Variants in LRP1B observed in about 807,000 individuals in gnomAD.
LRP1B encodes the protein LDL receptor related protein 1B, also known as low-density lipoprotein receptor-related protein 1B.
A neutral mutation model predicts 556.6 loss-of-function variants in LRP1B; 217 were observed. That is an observed-to-expected ratio of 0.39 (90% CI 0.35 to 0.44). The LOEUF (loss-of-function observed/expected upper bound fraction) is 0.44, where lower values mean the gene tolerates loss of function less well. LRP1B is among the 20% of genes least tolerant of loss of function. The probability of loss-of-function intolerance (pLI) is 1.00; values close to 1 mark genes in which losing one functional copy is unlikely to be tolerated. For synonymous variants in LRP1B, 2,047 were observed against 1,865.8 expected, an observed-to-expected ratio of 1.10 and a Z score of -2.50; for missense variants, 5,053 against 5,620.8, an observed-to-expected ratio of 0.90 and a Z score of 3.23.
At chr2:141,950,129 G>T (rs2105031904) in intron 1 of LRP1B, among the ~76,000 whole-genome samples, 1 of 152,152 alleles carries the variant, frequency 6.6e-6, no homozygotes, top group African/African-American at 2.4e-5. Context: ...TTTTATAAAA[G>T]ACTTTATAAT....
chr2:140,442,499 C>CTGGG lies in LRP1B; in HGVS notation c.10414+4_10414+5insCCCA. On this transcript the variant is annotated splice_donor_region_variant and intron_variant, in intron 66 of 90. Coordinates refer to ENST00000389484, the MANE Select transcript of LRP1B (RefSeq NM_018557.3). Reference sequence around the variant, plus strand: ...GAGATAAGACCCAGAGTCACAGACACTCACCGCAGTTGGCCTCGTCTGATG... The same window carrying CTGGG: ...GAGATAAGACCCAGAGTCACAGACACTGGGTCACCGCAGTTGGCCTCGTCTGATG... The CTGGG allele has an allele frequency of 6.2e-7, 1 of 1,610,734 alleles. No individual in the cohort carries two copies. Among genetic ancestry groups the CTGGG allele is most frequent in the Non-Finnish European group, 8.5e-7 (1 of 1,178,618 alleles).
chr2:141,805,025 CTAGCAGAACCCCAAATAT>C (rs1226574768), intron 2 of LRP1B, among the ~76,000 whole-genome samples: 3 of 152,062 alleles, frequency 2.0e-5, no homozygotes, highest in African/African-American at 7.2e-5. Flanking sequence ...CTTTTCTTTA[CTAGCAGAACCCCAAATAT>C]TGTTTTGGAA....
intron 1 of LRP1B, among the ~76,000 whole-genome samples, chr2:142,070,723 A>G (rs186429599): frequency 6.6e-6 from 1 of 152,056 alleles, no homozygotes; most frequent in East Asian, 1.9e-4. Flanking sequence ...AACCACTTCC[A>G]TCTATTCTTA....
intron 1 of LRP1B, among the ~76,000 whole-genome samples, chr2:141,847,599 A>G (rs1697696781): frequency 6.6e-6 from 1 of 151,616 alleles, no homozygotes; most frequent in Admixed American, 6.6e-5. Flanking sequence ...AAAAACATAC[A>G]GTATAGTGCA....
intron 3 of LRP1B, among the ~76,000 whole-genome samples, chr2:141,266,348 A>G (rs892061875): frequency 6.7e-6 from 1 of 150,118 alleles, no homozygotes; most frequent in Middle Eastern, 3.2e-3. Flanking sequence ...AAAAAAGAAT[A>G]TGCATATATG....
At chr2:141,942,572 C>T (rs1248536855) in intron 1 of LRP1B, among the ~76,000 whole-genome samples, 2 of 152,072 alleles carry the variant, frequency 1.3e-5, no homozygotes, top group Non-Finnish European at 2.9e-5. Context: ...TTTCTTTTAC[C>T]CTGCCACCTT....
At chr2:142,038,805 G>A (rs532989190) in intron 1 of LRP1B, among the ~76,000 whole-genome samples, 1 of 151,624 alleles carries the variant, frequency 6.6e-6, no homozygotes, top group South Asian at 2.1e-4. Context: ...TTTCACTTAA[G>A]CAAGATACAG....
At position 141,858,985 on chromosome 2, in the gene LRP1B, TA is replaced by T. The variant is rs879601174; in HGVS notation, c.83-48585del. ...AGAACATCAGGAAAAGCCCCTGGAA[TA>T]CTTTCTAGCAAGGCCATCAGTCATT... is the stretch of plus-strand genomic sequence containing the variant. On this transcript the variant is annotated intron_variant, in intron 1 of 90. Coordinates refer to ENST00000389484, the MANE Select transcript of LRP1B (RefSeq NM_018557.3). 6.2e-3 allele frequency among the ~76,000 whole-genome samples: 951 copies of T among 152,286 alleles called. 7 individuals are homozygous for T. Among genetic ancestry groups the T allele is most frequent in the Non-Finnish European group, 9.1e-3 (622 of 68,014 alleles).
rs1324064757 is a variant in LRP1B at position 141,126,989 on chromosome 2, T to C, written c.1013+61432A>G. Among the ~76,000 whole-genome samples, 3 of 152,134 alleles carry C rather than the reference T, an allele frequency of 2.0e-5. No individual in the cohort carries two copies. The East Asian group carries it at 5.8e-4, about 29-fold the overall frequency. ...ACCTGCCATCTACATTAGGTATTTCTCCTAATGCTATCCCTCCCCCACCCC... is the reference window on the plus strand; with the variant it reads ...ACCTGCCATCTACATTAGGTATTTCCCCTAATGCTATCCCTCCCCCACCCC... On this transcript the variant is annotated intron_variant, in intron 7 of 90. Coordinates refer to ENST00000389484, the MANE Select transcript of LRP1B (RefSeq NM_018557.3).
chr2:141,519,036 A>AG (rs200139857), intron 2 of LRP1B, among the ~76,000 whole-genome samples: 92,006 of 130,848 alleles, frequency 0.7, 28,181 homozygotes, highest in South Asian at 0.77. Context: ...TGAGAACTTG[A>AG]GAAAATCGCT....
rs2104881619 is a variant in LRP1B, at chr2:140,238,222, A to G, written c.13490T>C (p.Met4497Thr). 3 of 1,600,814 alleles carry G rather than the reference A, an allele frequency of 1.9e-6. No homozygotes were observed. Among genetic ancestry groups the G allele is most frequent in the South Asian group, 1.1e-5 (1 of 90,558 alleles). ...NVEIGNPSYN[M>T]YEVDHDHNDG... ...GTTGTGATCATGATCTACCTCATAC[A>G]TGTTATAAGATGGATTGCCAATTTC... The change falls in exon 89 of 91, where the codon ATG becomes ACG. Residue 4497 changes from methionine to threonine, a missense_variant. Around this residue, in one of 5 missense-constraint regions of LRP1B, gnomAD observed 551 missense variants for 592.0 expected, o/e 0.93. Transcript: ENST00000389484.
intron 41 of LRP1B, among the ~76,000 whole-genome samples, chr2:140,614,929 G>A (rs1683204882): frequency 6.6e-6 from 1 of 152,152 alleles, no homozygotes; most frequent in Non-Finnish European, 1.5e-5. Flanking sequence ...AGCTGCCATT[G>A]TTCATTCCTG....
intron 43 of LRP1B, among the ~76,000 whole-genome samples, chr2:140,554,884 G>GTGTATGTGTGTATA (rs56040453): frequency 1.3e-5 from 2 of 148,542 alleles, no homozygotes; most frequent in Non-Finnish European, 3.0e-5. Context: ...GTGTGTGTGT[G>GTGTATGTGTGTATA]TATATGTATA....
intron 27 of LRP1B, among the ~76,000 whole-genome samples, chr2:140,861,322 G>A (rs965972835): frequency 3.3e-5 from 5 of 152,254 alleles, no homozygotes; most frequent in African/African-American, 7.2e-5. Context: ...CTGGAGAATC[G>A]CTTGAACCTG....
At chr2:140,806,734 A>G (rs957724744) in intron 32 of LRP1B, among the ~76,000 whole-genome samples, 3 of 152,208 alleles carry the variant, frequency 2.0e-5, no homozygotes, top group African/African-American at 7.2e-5. Context: ...CCTCAGTTCT[A>G]TTTTAAAGCT....
intron 35 of LRP1B, among the ~76,000 whole-genome samples, chr2:140,736,013 A>G (rs1302052220): frequency 6.6e-6 from 1 of 152,164 alleles, no homozygotes; most frequent in Admixed American, 6.5e-5. Context: ...CACTCTAGCA[A>G]GGGCTAGCAA....
chr2:142,045,154 A>C (rs573316389), intron 1 of LRP1B, among the ~76,000 whole-genome samples: 60 of 148,652 alleles, frequency 4.0e-4, no homozygotes, highest in South Asian at 1.5e-3. Context: ...AAAAAAAAAA[A>C]AACAACAACA....
At chr2:140,284,780 A>G (rs1683061463) in intron 84 of LRP1B, among the ~76,000 whole-genome samples, 1 of 130,578 alleles carries the variant, frequency 7.7e-6, no homozygotes, top group South Asian at 2.5e-4. Flanking sequence ...AAGTTAGATG[A>G]TAGATAAATA....
chr2:141,992,972 A>C (rs980613251), intron 1 of LRP1B, among the ~76,000 whole-genome samples: 2 of 152,160 alleles, frequency 1.3e-5, no homozygotes, highest in African/African-American at 4.8e-5. Context: ...GGGTGGCTGA[A>C]TTTTCCAGGC....
Sources: allele counts gnomAD v4.1 joint callset (sites outside exome capture counted in the v4.1 genomes callset), GRCh38; gene constraint gnomAD v4.1.1; regional missense constraint gnomAD v4.1.1; transcripts MANE v1.5; gene names NCBI Gene and HGNC (gene_info 2026-07-23, HGNC 2026-07-21).